Variants in HDAC9 observed in about 807,000 individuals in gnomAD.
HDAC9 encodes MEF-2 interacting transcription repressor (MITR) protein.
In HDAC9, 41 loss-of-function variants were observed where a neutral mutation model predicts 139.4. The ratio of observed to expected loss-of-function variants is 0.29; its 90% CI spans 0.23 to 0.38. The LOEUF (loss-of-function observed/expected upper bound fraction) is 0.38, where lower values mean the gene tolerates loss of function less well. HDAC9 is among the 10% of genes least tolerant of loss of function. The pLI, the probability that HDAC9 is intolerant of heterozygous loss-of-function variation, is 1.00. For missense variants in HDAC9, 1,147 were observed against 1,297.0 expected, an observed-to-expected ratio of 0.88 and a Z score of 1.78; for synonymous variants, 517 against 476.2, an observed-to-expected ratio of 1.09 and a Z score of -1.12.
chr7:18,870,114 A>G (rs1798801476), intron 21 of HDAC9, among the ~76,000 whole-genome samples: 1 of 152,158 alleles, frequency 6.6e-6, no homozygotes, highest in African/African-American at 2.4e-5. Context: ...CCTAATATTA[A>G]AAACTTACCT....
intron 22 of HDAC9, among the ~76,000 whole-genome samples, chr7:18,883,520 G>A (rs1228561295): frequency 6.6e-6 from 1 of 151,998 alleles, no homozygotes; most frequent in Non-Finnish European, 1.5e-5. Flanking sequence ...AACAAATTAG[G>A]TATGGAAGGA....
At chr7:18,986,903 T>G (rs1785405852) in intron 25 of HDAC9, among the ~76,000 whole-genome samples, 1 of 152,312 alleles carries the variant, frequency 6.6e-6, no homozygotes, top group East Asian at 1.9e-4. Context: ...CTTGTGATTT[T>G]TGTACATTGA....
chr7:18,328,559 A>G (rs1276432346), intron 1 of HDAC9, among the ~76,000 whole-genome samples: 2 of 151,950 alleles, frequency 1.3e-5, no homozygotes, highest in Non-Finnish European at 2.9e-5. Flanking sequence ...TTAGAAGATC[A>G]TGTAATTTTT....
intron 8 of HDAC9, among the ~76,000 whole-genome samples, chr7:18,635,963 TATG>T (rs1374547681): frequency 6.6e-6 from 1 of 152,088 alleles, no homozygotes; most frequent in Non-Finnish European, 1.5e-5. Flanking sequence ...ACAAACACAA[TATG>T]ATATGTATAA....
Position 18,629,421 on chromosome 7 carries a change from C to A in HDAC9, c.736C>A (p.Leu246Ile). 1 of 1,611,614 alleles carries A rather than the reference C, an allele frequency of 6.2e-7. No individual in the cohort carries two copies. Among genetic ancestry groups the A allele is most frequent in the Non-Finnish European group, 8.5e-7 (1 of 1,179,034 alleles). Residue 246 changes from leucine (L) to isoleucine (I), a missense_variant, in exon 7 of 26, where the codon CTC (leucine) becomes ATC (isoleucine). By Grantham distance (5) the Leu-to-Ile change is conservative (BLOSUM62 2). This residue lies in a region of HDAC9 where 264 missense variants were observed against 273.8 expected (regional missense o/e 0.96). Transcript: ENST00000686413. Reference sequence around the variant, plus strand: ...GGCAGAGAGGAGAAGCAGCCCCTTACTCAGGCGGAAGGATGGAAATGTTGT... The same window carrying A: ...GGCAGAGAGGAGAAGCAGCCCCTTAATCAGGCGGAAGGATGGAAATGTTGT... ...KVAERRSSPLLRRKDGNVVTS... is the reference protein window; with the variant it reads ...KVAERRSSPLIRRKDGNVVTS...
chr7:18,142,929 T>C (rs1336073548), intron 1 of HDAC9, among the ~76,000 whole-genome samples: 3 of 152,226 alleles, frequency 2.0e-5, no homozygotes, highest in African/African-American at 4.8e-5. Flanking sequence ...CCTTCCGTTG[T>C]AACAGCTGCA....
intron 1 of HDAC9, among the ~76,000 whole-genome samples, chr7:18,390,047 A>AC (rs1786317596): frequency 1.5e-5 from 2 of 130,432 alleles, no homozygotes; most frequent in African/African-American, 2.8e-5. Flanking sequence ...AGAGAAAGAC[A>AC]ACACACACAC....
chr7:18,817,038 GTTTT>G (rs11308990), intron 17 of HDAC9, among the ~76,000 whole-genome samples: 1 of 140,436 alleles, frequency 7.1e-6, no homozygotes. Context: ...GAAGTTTTTT[GTTTT>G]TTTTTTTTTT....
intron 2 of HDAC9, among the ~76,000 whole-genome samples, chr7:18,511,771 T>C (rs1173635051): frequency 6.6e-6 from 1 of 152,166 alleles, no homozygotes; most frequent in African/African-American, 2.4e-5. Flanking sequence ...AGACCCACTT[T>C]CTTCACACCC....
At chr7:18,656,718 G>C (rs1213522835) in intron 11 of HDAC9, among the ~76,000 whole-genome samples, 1 of 152,066 alleles carries the variant, frequency 6.6e-6, no homozygotes, top group African/African-American at 2.4e-5. Context: ...CCAAATCTTA[G>C]CTATTGTGGA....
At chr7:18,364,817 G>A (rs1784053998) in intron 1 of HDAC9, among the ~76,000 whole-genome samples, 1 of 152,092 alleles carries the variant, frequency 6.6e-6, no homozygotes, top group African/African-American at 2.4e-5. Context: ...GCAAATAAAA[G>A]AGAGAAATCA....
chr7:18,502,050 C>T (rs1798530592), intron 2 of HDAC9, among the ~76,000 whole-genome samples: 2 of 152,100 alleles, frequency 1.3e-5, no homozygotes, highest in African/African-American at 4.8e-5. Flanking sequence ...TGGTGTGATC[C>T]TAAGATTGGA....
chr7:18,967,177 A>G (rs907855038), intron 24 of HDAC9, among the ~76,000 whole-genome samples: 2 of 152,250 alleles, frequency 1.3e-5, no homozygotes, highest in Non-Finnish European at 2.9e-5. Flanking sequence ...AAAAATAAAA[A>G]CTAAAACCAA....
intron 11 of HDAC9, among the ~76,000 whole-genome samples, chr7:18,651,634 T>A (rs1466715007): frequency 6.6e-6 from 1 of 151,858 alleles, no homozygotes; most frequent in Non-Finnish European, 1.5e-5. Flanking sequence ...GAAAGAGTTT[T>A]TCATATCTTG....
intron 2 of HDAC9, among the ~76,000 whole-genome samples, chr7:18,261,263 A>G (rs1795659513): frequency 6.6e-6 from 1 of 152,132 alleles, no homozygotes; most frequent in Admixed American, 6.6e-5. Context: ...AGCCATGATC[A>G]TGTCACTGCA....
intron 12 of HDAC9, among the ~76,000 whole-genome samples, chr7:18,720,671 CTTTTTTT>C (rs1258276875): frequency 7.0e-6 from 1 of 142,758 alleles, no homozygotes; most frequent in African/African-American, 2.6e-5. Flanking sequence ...ATGCTCTTTT[CTTTTTTT>C]TTTTTCTTTT....
At chr7:18,260,019 A>C (rs189810800) in intron 2 of HDAC9, among the ~76,000 whole-genome samples, 5 of 152,192 alleles carry the variant, frequency 3.3e-5, no homozygotes, top group African/African-American at 9.6e-5. Context: ...CCTTTTAGAG[A>C]GATCTTTATA....
At position 18,876,527 on chromosome 7, in the gene HDAC9, G is replaced by T. The variant is rs533099546; in HGVS notation, c.2803+1931G>T. 9.2e-5 allele frequency among the ~76,000 whole-genome samples: 14 copies of T among 152,242 alleles called. No individual in the cohort carries two copies. The South Asian group carries it at 2.9e-3, about 32-fold the overall frequency. ...GTCCTTAGAGTCTAAACAGATTGTAGTTGAAACTCTTCACATATCTTATAG... is the reference window on the plus strand; with the variant it reads ...GTCCTTAGAGTCTAAACAGATTGTATTTGAAACTCTTCACATATCTTATAG... On this transcript the variant is annotated intron_variant, in intron 22 of 25. Coordinates refer to ENST00000686413, the MANE Select transcript of HDAC9 (RefSeq NM_178425.4).
At chr7:18,145,850 T>C (rs912881092) in intron 1 of HDAC9, among the ~76,000 whole-genome samples, 1 of 152,162 alleles carries the variant, frequency 6.6e-6, no homozygotes, top group South Asian at 2.1e-4. Flanking sequence ...TTCAGAGATC[T>C]CTATTGTGTT....
Sources: allele counts gnomAD v4.1 joint callset (sites outside exome capture counted in the v4.1 genomes callset), GRCh38; gene constraint gnomAD v4.1.1; regional missense constraint gnomAD v4.1.1; transcripts MANE v1.5; gene names NCBI Gene and HGNC (gene_info 2026-07-23, HGNC 2026-07-21).